Variants in GRIP1 observed in about 807,000 individuals in gnomAD.
GRIP1 encodes glutamate receptor interacting protein 1, also known as glutamate receptor-interacting protein 1.
Under a neutral mutation model 129.9 loss-of-function variants are expected in GRIP1, and 45 were observed. The observed-to-expected ratio is 0.35, with a 90% CI of 0.27 to 0.44. The LOEUF (loss-of-function observed/expected upper bound fraction) is 0.44. Among genes scored for constraint, GRIP1 ranks in the 20% least tolerant of loss-of-function variants. The pLI is 1.00. For synonymous variants in GRIP1, 530 were observed against 520.8 expected, an observed-to-expected ratio of 1.02 and a Z score of -0.24; for missense variants, 1,196 against 1,396.8, an observed-to-expected ratio of 0.86 and a Z score of 2.29.
intron 22 of GRIP1, 34 bp from the exon 23 acceptor site, chr12:66,371,961 C>G (rs1164571416): frequency 7.4e-7 from 1 of 1,350,982 alleles, no homozygotes; most frequent in Non-Finnish European, 1.1e-6. Context: ...AACAATTAAG[C>G]CATGGACTAA....
Position 66,700,476 on chromosome 12 carries a change from G to A in GRIP1, c.-419-70140C>T, listed in dbSNP as rs1041102196. Reference sequence around the variant, plus strand: ...TTAAGATTTGGGGTTTCACCACATTGCCCAGGCTGGAGTGCAGTGGCTAGT... The same window carrying A: ...TTAAGATTTGGGGTTTCACCACATTACCCAGGCTGGAGTGCAGTGGCTAGT... On this transcript the variant is annotated intron_variant, in intron 1 of 4. Transcript: ENST00000538373. 4.0e-5 allele frequency among the ~76,000 whole-genome samples: 6 copies of A among 149,320 alleles called. 1 individual carries two copies. Among genetic ancestry groups the A allele is most frequent in the Admixed American group, 2.0e-4 (3 of 14,956 alleles).
chr12:66,469,949 C>T (rs1349001139), intron 7 of GRIP1, among the ~76,000 whole-genome samples: 1 of 152,168 alleles, frequency 6.6e-6, no homozygotes, highest in Non-Finnish European at 1.5e-5. Context: ...CCCTCCATCA[C>T]ACAGACCAGA....
intron 4 of GRIP1, among the ~76,000 whole-genome samples, chr12:66,531,252 AATATAT>A (rs71069009): frequency 0.096 from 1,794 of 18,680 alleles, 42 homozygotes; most frequent in Admixed American, 0.11. Context: ...AAAAAAAAAA[AATATAT>A]ATATATATAT....
chr12:66,870,190 G>T (rs1285940825), intron 1 of GRIP1, among the ~76,000 whole-genome samples: 2 of 152,080 alleles, frequency 1.3e-5, no homozygotes, highest in Non-Finnish European at 2.9e-5. Flanking sequence ...ATAAGCATAT[G>T]ACAGAAATAA....
chr12:67,020,803 A>T (rs546867180), intron 1 of GRIP1, among the ~76,000 whole-genome samples: 6 of 152,292 alleles, frequency 3.9e-5, no homozygotes, highest in Non-Finnish European at 8.8e-5. Context: ...CCACATATTT[A>T]AAATATATAA....
chr12:66,825,987 T>C (rs2039404960), intron 1 of GRIP1, among the ~76,000 whole-genome samples: 1 of 152,176 alleles, frequency 6.6e-6, no homozygotes, highest in Non-Finnish European at 1.5e-5. Context: ...TAAATCATTC[T>C]ACTATAAAGA....
intron 1 of GRIP1, among the ~76,000 whole-genome samples, chr12:66,980,605 G>A (rs753044631): frequency 4.6e-5 from 7 of 152,284 alleles, no homozygotes; most frequent in South Asian, 4.1e-4. Context: ...GCGAGACTCC[G>A]TCTCAAAAGA....
chr12:66,420,682 G>A (rs774011457), intron 15 of GRIP1, 38 bp downstream of exon 15: 2 of 1,080,048 alleles, frequency 1.9e-6, no homozygotes, highest in African/African-American at 1.5e-5. Context: ...TAAATTAAGA[G>A]AGGCCTTAAA....
intron 1 of GRIP1, among the ~76,000 whole-genome samples, chr12:66,914,995 G>A (rs1444652713): frequency 2.6e-5 from 4 of 152,116 alleles, no homozygotes; most frequent in South Asian, 2.1e-4. Flanking sequence ...AAAGCAACAA[G>A]CTTCTCTATT....
intron 1 of GRIP1, among the ~76,000 whole-genome samples, chr12:67,026,057 C>T (rs1309806992): frequency 6.6e-6 from 1 of 152,070 alleles, no homozygotes; most frequent in East Asian, 1.9e-4. Context: ...AGGTTAACTC[C>T]CTGTCGGGGC....
intron 1 of GRIP1, among the ~76,000 whole-genome samples, chr12:66,663,306 C>A (rs2033619758): frequency 6.6e-6 from 1 of 152,078 alleles, no homozygotes; most frequent in Non-Finnish European, 1.5e-5. Context: ...TTTACTTATT[C>A]ATCTATATGG....
At chr12:66,833,890 C>G (rs1372275528) in intron 1 of GRIP1, among the ~76,000 whole-genome samples, 5 of 152,096 alleles carry the variant, frequency 3.3e-5, no homozygotes, top group Admixed American at 3.3e-4. Context: ...ATTATGTTGG[C>G]CAGGCACTGT....
intron 1 of GRIP1, among the ~76,000 whole-genome samples, chr12:66,906,390 C>T (rs55643419): frequency 9.9e-5 from 15 of 152,134 alleles, no homozygotes; most frequent in African/African-American, 3.4e-4. Context: ...TGTGAGTGCA[C>T]CACCGAACTC....
intron 16 of GRIP1, among the ~76,000 whole-genome samples, chr12:66,401,351 G>A (rs185045352): frequency 9.9e-5 from 15 of 152,026 alleles, no homozygotes; most frequent in Admixed American, 9.8e-4. Context: ...GCCAAGGCAG[G>A]CAGCTCACCT....
chr12:66,649,885 C>A (rs2032663410), intron 1 of GRIP1, among the ~76,000 whole-genome samples: 2 of 152,124 alleles, frequency 1.3e-5, no homozygotes, highest in South Asian at 4.1e-4. Flanking sequence ...TGTGGAAGAG[C>A]AGGCTAGAAA....
intron 1 of GRIP1, among the ~76,000 whole-genome samples, chr12:67,038,331 A>G (rs951755491): frequency 1.3e-5 from 2 of 152,326 alleles, no homozygotes; most frequent in African/African-American, 4.8e-5. Flanking sequence ...TCCACAAGGT[A>G]TCTCTGAATT....
At chr12:66,465,637 T>A (rs942414946) in intron 7 of GRIP1, among the ~76,000 whole-genome samples, 1 of 152,244 alleles carries the variant, frequency 6.6e-6, no homozygotes, top group African/African-American at 2.4e-5. Flanking sequence ...TGTTAATGTA[T>A]GTGTAATGTT....
At chr12:66,747,037 T>C (rs763793991) in intron 1 of GRIP1, among the ~76,000 whole-genome samples, 12 of 152,262 alleles carry the variant, frequency 7.9e-5, no homozygotes, top group Non-Finnish European at 1.6e-4. Flanking sequence ...TAGCTAAGAT[T>C]AAGTTACATA....
rs76746512 is a variant in GRIP1, at chr12:66,754,581, A to C, written c.-420+49472T>G. ...AGCAAGGGCAGAGAGCCGTCACTAC[A>C]CTGTCTGCTCAAGGTAGGGTCTCAC... On this transcript the variant is annotated intron_variant, in intron 1 of 4. Coordinates refer to the GRIP1 transcript ENST00000538373. Among the ~76,000 whole-genome samples, 6 of 152,282 alleles carry C rather than the reference A, an allele frequency of 3.9e-5. No individual in the cohort carries two copies. The East Asian group carries it at 9.7e-4, about 25-fold the overall frequency.
Sources: allele counts gnomAD v4.1 joint callset (sites outside exome capture counted in the v4.1 genomes callset), GRCh38; gene constraint gnomAD v4.1.1; transcripts MANE v1.5; gene names NCBI Gene and HGNC (gene_info 2026-07-23, HGNC 2026-07-21).